The following PHACTR3 variants were observed in gnomAD, a reference collection of about 807,000 sequenced individuals.
PHACTR3 encodes protein phosphatase 1, regulatory subunit 123.
PHACTR3 carries 16 observed loss-of-function variants against 66.8 expected under a neutral mutation model. The observed-to-expected ratio is 0.24, with a 90% CI of 0.16 to 0.36. PHACTR3 has a LOEUF of 0.36. PHACTR3 is among the 10% of genes least tolerant of loss of function. PHACTR3 has a pLI of 1.00. For synonymous variants in PHACTR3, 323 were observed against 292.1 expected (o/e 1.11, Z -1.08); for missense variants, 647 against 719.9 (o/e 0.90, Z 1.16).
At chr20:59,590,691 G>A (rs1325868714) in intron 1 of PHACTR3, among the ~76,000 whole-genome samples, 1 of 152,152 alleles carries the variant, frequency 6.6e-6, no homozygotes, top group African/African-American at 2.4e-5. Flanking sequence ...AAATATCTTA[G>A]ATGGATAATT....
intron 11 of PHACTR3, chr20:59,844,860 A>T (rs1330903078): frequency 1.2e-5 from 2 of 171,668 alleles, no homozygotes; most frequent in Non-Finnish European, 2.5e-5. Context: ...TAGAAATGAT[A>T]AATACTGGAG....
At chr20:59,637,690 A>T (rs2034943090) in intron 1 of PHACTR3, among the ~76,000 whole-genome samples, 1 of 96,698 alleles carries the variant, frequency 1.0e-5, no homozygotes. Context: ...TAAAGACACA[A>T]AGCATTAAAA....
chr20:59,846,586 T>C (rs2059151175), intron 12 of PHACTR3, among the ~76,000 whole-genome samples: 1 of 152,188 alleles, frequency 6.6e-6, no homozygotes, highest in Non-Finnish European at 1.5e-5. Flanking sequence ...TTATACATTA[T>C]TAAATGTTTA....
intron 7 of PHACTR3, among the ~76,000 whole-genome samples, chr20:59,778,723 T>C (rs1201613285): frequency 6.6e-6 from 1 of 152,068 alleles, no homozygotes. Flanking sequence ...AATGGGCCAA[T>C]GGGGGATTAG....
chr20:59,743,426 C>T (rs1007816258), intron 2 of PHACTR3, among the ~76,000 whole-genome samples, 158 bp downstream of exon 2: 5 of 152,188 alleles, frequency 3.3e-5, no homozygotes, highest in African/African-American at 9.7e-5. Context: ...CAAGTTACCC[C>T]GCTGGCCCCT....
chr20:59,747,975 G>T (rs1397847414), intron 3 of PHACTR3, 140 bp downstream of exon 3: 16 of 868,656 alleles, frequency 1.8e-5, no homozygotes, highest in Non-Finnish European at 2.6e-5. Flanking sequence ...TGCAAGGTTG[G>T]AGAGACACCC....
At chr20:59,806,910 C>G (rs2041589101) in intron 8 of PHACTR3, among the ~76,000 whole-genome samples, 1 of 152,166 alleles carries the variant, frequency 6.6e-6, no homozygotes, top group Non-Finnish European at 1.5e-5. Context: ...AGAAACATTT[C>G]TCAACATAGA....
chr20:59,660,208 C>T (rs1226857472), intron 1 of PHACTR3, among the ~76,000 whole-genome samples: 1 of 152,140 alleles, frequency 6.6e-6, no homozygotes, highest in Non-Finnish European at 1.5e-5. Context: ...TAAAAACTCA[C>T]TCTGGGCTGG....
chr20:59,584,723 GT>G (rs2032970313), intron 1 of PHACTR3, among the ~76,000 whole-genome samples: 1 of 152,038 alleles, frequency 6.6e-6, no homozygotes, highest in Non-Finnish European at 1.5e-5. Context: ...GCCTTCACCC[GT>G]GCTGCTCCTT....
intron 1 of PHACTR3, among the ~76,000 whole-genome samples, chr20:59,649,988 G>A (rs1204661959): frequency 6.6e-6 from 1 of 151,980 alleles, no homozygotes; most frequent in African/African-American, 2.4e-5. Flanking sequence ...ATTTCTTTTG[G>A]CAAATGAGCA....
chr20:59,639,615 A>G (rs1028558542), intron 1 of PHACTR3, among the ~76,000 whole-genome samples: 1 of 152,146 alleles, frequency 6.6e-6, no homozygotes, highest in African/African-American at 2.4e-5. Context: ...ATTGGTATTG[A>G]GTCCCAGTTC....
At chr20:59,627,303 C>T (rs4810173) in intron 1 of PHACTR3, among the ~76,000 whole-genome samples, 109,551 of 152,080 alleles carry the variant, frequency 0.72, 39,972 homozygotes, top group African/African-American at 0.83. Flanking sequence ...TCCTGAGATA[C>T]CTCCCAAATA....
At chr20:59,818,019 C>T (rs2041932758) in intron 8 of PHACTR3, among the ~76,000 whole-genome samples, 1 of 152,176 alleles carries the variant, frequency 6.6e-6, no homozygotes, top group Non-Finnish European at 1.5e-5. Flanking sequence ...GCAGCGGAAG[C>T]CTCCAGGGCT....
intron 1 of PHACTR3, among the ~76,000 whole-genome samples, chr20:59,647,499 G>A (rs1442104903): frequency 2.0e-5 from 3 of 152,146 alleles, no homozygotes; most frequent in Admixed American, 6.5e-5. Context: ...TGGCAGCCAG[G>A]CCCTTGGAGG....
intron 1 of PHACTR3, among the ~76,000 whole-genome samples, chr20:59,640,841 G>A (rs138605863): frequency 6.6e-6 from 1 of 152,182 alleles, no homozygotes; most frequent in African/African-American, 2.4e-5. Context: ...AATCTTAAAT[G>A]TGTCTTTGAA....
intron 1 of PHACTR3, 151 bp from the exon 2 acceptor site, chr20:59,742,956 C>T: frequency 3.5e-6 from 3 of 848,534 alleles, no homozygotes; most frequent in Non-Finnish European, 5.5e-6. Context: ...GCTGCGGCCA[C>T]TGTGGGTGCA....
At chr20:59,721,664 C>A (rs1296556759) in intron 1 of PHACTR3, among the ~76,000 whole-genome samples, 1 of 152,108 alleles carries the variant, frequency 6.6e-6, no homozygotes, top group East Asian at 1.9e-4. Context: ...CTGGTTGGAG[C>A]AAAGGGTGAT....
intron 7 of PHACTR3, among the ~76,000 whole-genome samples, chr20:59,779,210 C>T (rs953451319): frequency 3.3e-5 from 5 of 152,176 alleles, no homozygotes; most frequent in African/African-American, 1.2e-4. Flanking sequence ...GTCCCTGAAG[C>T]CCTGAAATCA....
At chr20:59,596,727 C>T (rs1177515857) in intron 1 of PHACTR3, among the ~76,000 whole-genome samples, 1 of 152,224 alleles carries the variant, frequency 6.6e-6, no homozygotes, top group African/African-American at 2.4e-5. Flanking sequence ...TCCTCTGTGT[C>T]CTTCCAAGCT....
Sources: gnomAD v4.1 joint callset for allele counts (sites outside exome capture counted in the v4.1 genomes callset) on GRCh38, gnomAD v4.1.1 for gene constraint, MANE v1.5 for transcripts, NCBI Gene and HGNC (gene_info 2026-07-23, HGNC 2026-07-21) for gene names.